Variants in HAUS8 observed in about 807,000 individuals in gnomAD.
HAUS8 encodes the protein HAUS augmin like complex subunit 8.
A neutral mutation model predicts 42.9 loss-of-function variants in HAUS8; 38 were observed. The observed-to-expected ratio is 0.89, with a 90% confidence interval of 0.68 to 1.16. The LOEUF (loss-of-function observed/expected upper bound fraction) is 1.16, where lower values mean the gene tolerates loss of function less well. Among genes scored for constraint, HAUS8 ranks in the 50% most tolerant of loss-of-function variants. The pLI is 0.00. For missense variants in HAUS8, 494 were observed against 511.6 expected, an observed-to-expected ratio of 0.97 and a Z score of 0.33; for synonymous variants, 199 against 205.8, an observed-to-expected ratio of 0.97 and a Z score of 0.28.
At chr19:17,070,172 C>A (rs962844410) in intron 2 of HAUS8, among the ~76,000 whole-genome samples, 1 of 151,856 alleles carries the variant, frequency 6.6e-6, no homozygotes, top group Non-Finnish European at 1.5e-5. Flanking sequence ...CTTTCTCCTT[C>A]CCTTGAATCC....
chr19:17,070,762 G>A (rs746541168), intron 2 of HAUS8, among the ~76,000 whole-genome samples: 3 of 152,192 alleles, frequency 2.0e-5, no homozygotes, highest in East Asian at 3.9e-4. Flanking sequence ...GTAGGCACTC[G>A]ATAATATGTC....
chr19:17,062,166 G>A (rs1319471848), intron 4 of HAUS8, among the ~76,000 whole-genome samples: 1 of 152,180 alleles, frequency 6.6e-6, no homozygotes, highest in African/African-American at 2.4e-5. Flanking sequence ...GGTTGCCCAG[G>A]CTGGCATGCA....
chr19:17,061,718 C>T (rs546684580), intron 4 of HAUS8, among the ~76,000 whole-genome samples: 81 of 152,316 alleles, frequency 5.3e-4, no homozygotes, highest in Non-Finnish European at 2.6e-4. Context: ...GCCAGTAGAA[C>T]CCCTTCCCCC....
chr19:17,060,246 A>C, intron 4 of HAUS8, 154 bp from the exon 5 acceptor site: 1 of 499,520 alleles, frequency 2.0e-6, no homozygotes, highest in Non-Finnish European at 3.6e-6. Context: ...AAAAAAAAAA[A>C]ACCTGTGGAA....
intron 3 of HAUS8, among the ~76,000 whole-genome samples, chr19:17,068,359 C>G (rs935924047): frequency 6.6e-6 from 1 of 152,090 alleles, no homozygotes; most frequent in Non-Finnish European, 1.5e-5. Flanking sequence ...AGTGATCCGC[C>G]CACCTCGGCC....
rs1214377312 is a variant in HAUS8, at chr19:17,055,171, T to A, written c.787+690A>T. 5.3e-4 allele frequency: 26 copies of A among 49,218 alleles called. 1 individual carries two copies. The highest frequency in any genetic ancestry group is 6.6e-4 in the Non-Finnish European group (20 of 30,206). The allele number at this position is 49,218 out of a possible 1,614,324, so 3.0% of individuals were successfully genotyped here. ...ATATATATATATATATATATATATA[T>A]ATATATATATATATATATATAAGCC... On this transcript the variant is annotated intron_variant, in intron 9 of 10. Coordinates refer to ENST00000253669, the MANE Select transcript of HAUS8 (RefSeq NM_033417.2).
intron 10 of HAUS8, chr19:17,052,389 C>T (rs2057292882): frequency 1.2e-5 from 2 of 168,152 alleles, no homozygotes; most frequent in Admixed American, 1.2e-4. Flanking sequence ...CTAGAGTCCC[C>T]ATTAGCTCAA....
Position 17,055,686 on chromosome 19 carries a change from G to T in HAUS8, c.787+175C>A. On this transcript the variant is annotated intron_variant, in intron 9 of 10. Coordinates refer to ENST00000253669, the MANE Select transcript of HAUS8 (RefSeq NM_033417.2). ...TGCCCAAGGTTCAAATCCCAGTGTG[G>T]TTACTTACTCAGGGCGAGACCCTTG... The T allele has an allele frequency of 4.6e-6, 3 of 647,602 alleles. No individual in the cohort carries two copies. In the South Asian group the frequency reaches 5.9e-5, roughly 13 times the overall value. 40.1% of individuals were successfully genotyped at this position (647,602 alleles called of 1,614,324 possible).
chr19:17,055,139 AAAAAATATATATATATATATATATAT>A (rs1434673251), intron 9 of HAUS8: 1 of 24,448 alleles, frequency 4.1e-5, no homozygotes, highest in African/African-American at 1.7e-4. Context: ...AAAAAAAAAA[AAAAAATATATATATATATATATATAT>A]ATATATATAT....
intron 10 of HAUS8, among the ~76,000 whole-genome samples, chr19:17,050,658 G>A (rs1372455730): frequency 6.6e-6 from 1 of 152,154 alleles, no homozygotes; most frequent in Non-Finnish European, 1.5e-5. Flanking sequence ...CACTTTGGGA[G>A]GCTGAGGCGG....
rs1487001940 is a variant in HAUS8, at chr19:17,058,681, T to G, written c.513A>C (p.Glu171Asp). ...VKMENNLAEFERRAEKNLLIM... is the reference protein window; with the variant it reads ...VKMENNLAEFDRRAEKNLLIM... ...TTAATAAATTCTTTTCTGCCCTTCTTTCAAACTCAGCAAGATTGTTCTCCA... is the reference window on the plus strand; with the variant it reads ...TTAATAAATTCTTTTCTGCCCTTCTGTCAAACTCAGCAAGATTGTTCTCCA... The change falls in exon 8 of 11, where the codon GAA (glutamate) becomes GAC (aspartate). Residue 171 changes from glutamate (E) to aspartate (D), a missense_variant. Physicochemically the swap from Glu to Asp is conservative, Grantham distance 45. Transcript: ENST00000253669. 1.9e-6 allele frequency: 3 copies of G among 1,610,260 alleles called. No homozygotes were observed. The South Asian group carries it at 3.3e-5, about 18-fold the overall frequency.
Position 17,058,921 on chromosome 19 carries a change from T to A in HAUS8, c.421-45A>T, listed in dbSNP as rs567865963. 5.3e-6 allele frequency: 8 copies of A among 1,502,706 alleles called. No homozygotes were observed. The South Asian group carries it at 8.2e-5, about 15-fold the overall frequency. 93.1% of individuals were successfully genotyped at this position (1,502,706 alleles called of 1,614,324 possible). A position where few individuals can be genotyped will look rare whatever the true frequency, so the allele number is the denominator to read the frequency against. Reference sequence around the variant, plus strand: ...CCTCTCAATTCCTGATGAAGTGGTATAAATCCAGCTCTTTTCCCAGCAGGG... The same window carrying A: ...CCTCTCAATTCCTGATGAAGTGGTAAAAATCCAGCTCTTTTCCCAGCAGGG... On this transcript the variant is annotated intron_variant, in intron 6 of 10. Transcript: ENST00000253669.
chr19:17,053,890 A>C (rs1489468176), intron 9 of HAUS8, among the ~76,000 whole-genome samples: 2 of 151,872 alleles, frequency 1.3e-5, no homozygotes, highest in Non-Finnish European at 2.9e-5. Flanking sequence ...GTATTGAACT[A>C]CTGACCTCGT....
chr19:17,052,195 T>C (rs913935300), intron 10 of HAUS8: 2 of 151,644 alleles, frequency 1.3e-5, no homozygotes, highest in Admixed American at 6.6e-5. Flanking sequence ...CTTGAACTCT[T>C]GGCCTAAAGT....
Position 17,075,442 on chromosome 19 carries a change from A to G in HAUS8, c.-20T>C, listed in dbSNP as rs374138402. On this transcript the variant is annotated 5_prime_UTR_variant, in exon 1 of 11. Transcript: ENST00000253669. ...CGCCATTTTCCCGCCTTCCACCTCAAGGCCCGACCCGCCGGCTTTTCAAAG... is the reference window on the plus strand; with the variant it reads ...CGCCATTTTCCCGCCTTCCACCTCAGGGCCCGACCCGCCGGCTTTTCAAAG... 8 of 1,613,150 alleles carry G rather than the reference A, an allele frequency of 5.0e-6. No homozygotes were observed. The highest frequency in any genetic ancestry group is 2.7e-5 in the African/African-American group (2 of 74,884).
Position 17,073,300 on chromosome 19 carries a change from G to C in HAUS8, c.65C>G (p.Ala22Gly). The C allele has an allele frequency of 6.2e-7, 1 of 1,614,000 alleles. No homozygotes were observed. The highest frequency in any genetic ancestry group is 8.5e-7 in the Non-Finnish European group (1 of 1,179,926). The change falls in exon 2 of 11, where the codon GCC becomes GGC. Residue 22 changes from alanine (A) to glycine (G), a missense_variant. Physicochemically the swap from Ala to Gly is moderately conservative, Grantham distance 60. Transcript: ENST00000253669. The stretch of plus-strand genomic sequence containing the variant: ...TTGAACTCTTTTATCCTTCTTCTTG[G>C]CACTGCTAGAATTTGTGGGGCCGGT... ...PATGPTNSSSAKKKDKRVQGG... is the reference protein window; with the variant it reads ...PATGPTNSSSGKKKDKRVQGG...
At chr19:17,062,815 C>T (rs1193850795) in intron 3 of HAUS8, 36 bp from the exon 4 acceptor site, 1 of 1,514,504 alleles carries the variant, frequency 6.6e-7, no homozygotes, top group African/African-American at 1.4e-5. Context: ...GAGGACAAGA[C>T]ATCCTCCCTT....
chr19:17,072,338 C>CTTTTTTTTT (rs71180355), intron 2 of HAUS8, among the ~76,000 whole-genome samples: 1 of 87,538 alleles, frequency 1.1e-5, no homozygotes. Context: ...CGAGCATTTC[C>CTTTTTTTTT]TTTTTTTTTT....
intron 2 of HAUS8, among the ~76,000 whole-genome samples, chr19:17,070,771 T>C (rs2057416733): frequency 6.6e-6 from 1 of 152,170 alleles, no homozygotes; most frequent in South Asian, 2.1e-4. Context: ...CGATAATATG[T>C]CAAATGAATG....
Sources: gnomAD v4.1 joint callset for allele counts (sites outside exome capture counted in the v4.1 genomes callset) on GRCh38, gnomAD v4.1.1 for gene constraint, MANE v1.5 for transcripts, NCBI Gene and HGNC (gene_info 2026-07-23, HGNC 2026-07-21) for gene names.